CTDSPL2: variants seen among roughly 807,000 people sequenced by gnomAD.
CTDSPL2 encodes CTD small phosphatase-like protein 2.
Under a neutral mutation model 60.0 loss-of-function variants are expected in CTDSPL2, and 5 were observed. The observed-to-expected ratio is 0.08, with a 90% CI of 0.04 to 0.18. CTDSPL2 has a LOEUF of 0.18. CTDSPL2 is among the 10% of genes least tolerant of loss of function. The pLI, the probability that CTDSPL2 is intolerant of heterozygous loss-of-function variation, is 1.00. For synonymous variants in CTDSPL2, 186 were observed against 189.3 expected, an observed-to-expected ratio of 0.98 and a Z score of 0.14; for missense variants, 370 against 548.8, an observed-to-expected ratio of 0.67 and a Z score of 3.26.
At chr15:44,432,308 ATTT>A (rs781633855) in intron 1 of CTDSPL2, among the ~76,000 whole-genome samples, 2 of 49,780 alleles carry the variant, frequency 4.0e-5, no homozygotes, top group Non-Finnish European at 8.4e-5. Context: ...CTATATTATT[ATTT>A]TATTATTATT....
chr15:44,502,250 C>CAT lies in CTDSPL2; in HGVS notation c.969+2444_969+2445dup, dbSNP rs961217628. On this transcript the variant is annotated intron_variant, in intron 8 of 12. Transcript: ENST00000260327. Reference sequence around the variant, plus strand: ...TTGAATGTTAGTTTTATAGCATTTACATATATATGTATATATATTTTATAT... The same window carrying CAT: ...TTGAATGTTAGTTTTATAGCATTTACATATATATATGTATATATATTTTATAT... Among the ~76,000 whole-genome samples, 4 of 151,952 alleles carry CAT rather than the reference C, an allele frequency of 2.6e-5. 1 individual carries two copies. Among genetic ancestry groups the CAT allele is most frequent in the Admixed American group, 1.3e-4 (2 of 15,254 alleles).
intron 5 of CTDSPL2, among the ~76,000 whole-genome samples, chr15:44,492,063 T>C (rs1002102852): frequency 6.6e-6 from 1 of 152,054 alleles, no homozygotes; most frequent in African/African-American, 2.4e-5. Context: ...GAGACCAGGT[T>C]TCATCATGTT....
At chr15:44,501,059 T>G (rs924331345) in intron 8 of CTDSPL2, among the ~76,000 whole-genome samples, 1 of 152,152 alleles carries the variant, frequency 6.6e-6, no homozygotes, top group Non-Finnish European at 1.5e-5. Context: ...TCAAATTTGT[T>G]GTTCTTGTTT....
At chr15:44,460,071 G>C (rs1184088634) in intron 2 of CTDSPL2, among the ~76,000 whole-genome samples, 3 of 151,994 alleles carry the variant, frequency 2.0e-5, no homozygotes, top group Non-Finnish European at 4.4e-5. Context: ...CAGATTAGAT[G>C]GTACAACAGG....
chr15:44,450,195 C>T (rs988760302), intron 1 of CTDSPL2, among the ~76,000 whole-genome samples: 1 of 151,450 alleles, frequency 6.6e-6, no homozygotes, highest in Non-Finnish European at 1.5e-5. Flanking sequence ...TTGGAGGTAA[C>T]CTATAAATAT....
chr15:44,494,081 A>T (rs2081259388), intron 5 of CTDSPL2, among the ~76,000 whole-genome samples: 1 of 152,104 alleles, frequency 6.6e-6, no homozygotes, highest in African/African-American at 2.4e-5. Context: ...AGAAATTTTT[A>T]TTGGGTTCTA....
chr15:44,463,937 A>G (rs1280862106), intron 2 of CTDSPL2, among the ~76,000 whole-genome samples: 5 of 152,234 alleles, frequency 3.3e-5, no homozygotes, highest in African/African-American at 1.2e-4. Context: ...TGTCAATAGT[A>G]ACAATAACAA....
intron 8 of CTDSPL2, among the ~76,000 whole-genome samples, chr15:44,508,088 CT>C (rs796747250): frequency 6.5e-4 from 92 of 141,690 alleles, no homozygotes; most frequent in Admixed American, 7.1e-4. Flanking sequence ...CTTTTTTTTT[CT>C]TTTTTTTTTT....
At chr15:44,445,888 C>T (rs946076714) in intron 1 of CTDSPL2, among the ~76,000 whole-genome samples, 6 of 149,648 alleles carry the variant, frequency 4.0e-5, no homozygotes, top group South Asian at 2.1e-4. Context: ...CCACCTGCCT[C>T]GGCCTGTCAA....
chr15:44,525,289 C>T lies in CTDSPL2; in HGVS notation c.*1115C>T, dbSNP rs1029980082. The T allele has an allele frequency of 2.5e-6, 1 of 397,570 alleles. No individual in the cohort carries two copies. Among genetic ancestry groups the T allele is most frequent in the Non-Finnish European group, 4.4e-6 (1 of 225,340 alleles). The allele number at this position is 397,570 out of a possible 1,614,324, so 24.6% of individuals were successfully genotyped here. ...GCATAATCCTGTGGCACAGTACACT[C>T]CCAAGCCACCAATGCAGTTAATATG... On this transcript the variant is annotated 3_prime_UTR_variant, in exon 13 of 13. Transcript: ENST00000260327.
At chr15:44,504,567 A>G (rs1189332489) in intron 8 of CTDSPL2, among the ~76,000 whole-genome samples, 4 of 152,138 alleles carry the variant, frequency 2.6e-5, no homozygotes, top group Non-Finnish European at 5.9e-5. Flanking sequence ...TTCATCTACA[A>G]AAGTAGCCTA....
intron 2 of CTDSPL2, among the ~76,000 whole-genome samples, chr15:44,475,523 C>T (rs539025679): frequency 7.5e-4 from 114 of 151,986 alleles, no homozygotes; most frequent in Non-Finnish European, 1.4e-3. Context: ...CCTGTAATCC[C>T]AGCTACTCGG....
At chr15:44,492,795 G>A (rs1044428356) in intron 5 of CTDSPL2, among the ~76,000 whole-genome samples, 1 of 152,080 alleles carries the variant, frequency 6.6e-6, no homozygotes, top group Non-Finnish European at 1.5e-5. Context: ...TCATTCTTTT[G>A]TGGGTAATAT....
chr15:44,442,948 G>C (rs1238186616), intron 1 of CTDSPL2, among the ~76,000 whole-genome samples: 1 of 151,890 alleles, frequency 6.6e-6, no homozygotes, highest in African/African-American at 2.4e-5. Context: ...CTGCACTCCA[G>C]CCTGGGTGAC....
intron 1 of CTDSPL2, among the ~76,000 whole-genome samples, chr15:44,434,094 A>T (rs118081796): frequency 0.047 from 7,103 of 151,434 alleles, 237 homozygotes; most frequent in East Asian, 0.14. Flanking sequence ...TTATTTATTT[A>T]TTTTTTTCTT....
chr15:44,477,583 T>C (rs901874038), intron 2 of CTDSPL2, among the ~76,000 whole-genome samples: 1 of 151,372 alleles, frequency 6.6e-6, no homozygotes, highest in Non-Finnish European at 1.5e-5. Context: ...ATGCCTGTAA[T>C]CCCACCACTT....
In CTDSPL2 at chr15:44,527,599, A is replaced by C. The variant is rs541714313; in HGVS notation, c.*3425A>C. On this transcript the variant is annotated 3_prime_UTR_variant, in exon 13 of 13. Transcript: ENST00000260327. The stretch of plus-strand genomic sequence containing the variant: ...TTGTACTAATATGATGGTGTTATAT[A>C]CTACATCATTAGCTAGTTAAGGTTT... 35 of 152,180 alleles carry C rather than the reference A, an allele frequency of 2.3e-4. No homozygotes were observed. The highest frequency in any genetic ancestry group is 4.3e-4 in the Non-Finnish European group (29 of 67,994). 9.4% of individuals were successfully genotyped at this position (152,180 alleles called of 1,614,324 possible). A position where few individuals can be genotyped will look rare whatever the true frequency, so the allele number is the denominator to read the frequency against.
rs764238056 is a variant in CTDSPL2, at chr15:44,506,412, C to CTTTT, written c.969+6617_969+6620dup. Among the ~76,000 whole-genome samples the CTTTT allele has an allele frequency of 5.8e-4, 65 of 112,382 alleles. 1 individual carries two copies. The highest frequency in any genetic ancestry group is 4.3e-3 in the East Asian group (14 of 3,288). 73.7% of individuals were successfully genotyped at this position (112,382 alleles called of 152,430 possible). On this transcript the variant is annotated intron_variant, in intron 8 of 12. Coordinates refer to ENST00000260327, the MANE Select transcript of CTDSPL2 (RefSeq NM_016396.3). Reference sequence around the variant, plus strand: ...TAAGCTTCATTTTATCCTACTTTGACTTTTTTTTTTTTTTTTTTTTTGGAG... The same window carrying CTTTT: ...TAAGCTTCATTTTATCCTACTTTGACTTTTTTTTTTTTTTTTTTTTTTTTTGGAG...
chr15:44,495,605 AAAAT>A (rs2081285851), intron 5 of CTDSPL2, among the ~76,000 whole-genome samples: 1 of 151,644 alleles, frequency 6.6e-6, no homozygotes, highest in Non-Finnish European at 1.5e-5. Flanking sequence ...ACAGTTTTTT[AAAAT>A]AAATCTTCAA....
Sources: gnomAD v4.1 joint callset for allele counts (sites outside exome capture counted in the v4.1 genomes callset) on GRCh38, gnomAD v4.1.1 for gene constraint, MANE v1.5 for transcripts, NCBI Gene and HGNC (gene_info 2026-07-23, HGNC 2026-07-21) for gene names.